The following AKT3 variants were observed in gnomAD, a reference collection of about 807,000 sequenced individuals.
AKT3 encodes RAC-gamma serine/threonine-protein kinase.
A neutral mutation model predicts 65.3 loss-of-function variants in AKT3; 15 were observed. The ratio of observed to expected loss-of-function variants is 0.23; its 90% CI spans 0.15 to 0.35. The LOEUF (loss-of-function observed/expected upper bound fraction) is 0.35. AKT3 is among the 10% of genes least tolerant of loss of function. The pLI is 1.00. For missense variants in AKT3, 243 were observed against 576.5 expected, an observed-to-expected ratio of 0.42 and a Z score of 5.92; for synonymous variants, 206 against 183.8, an observed-to-expected ratio of 1.12 and a Z score of -0.98.
chr1:243,766,713 A>G (rs572030839), intron 2 of AKT3, among the ~76,000 whole-genome samples: 1 of 152,338 alleles, frequency 6.6e-6, no homozygotes, highest in Non-Finnish European at 1.5e-5. Context: ...CATTTAGGCA[A>G]CTAGAGTAGT....
chr1:243,637,979 G>A (rs914397581), intron 5 of AKT3, among the ~76,000 whole-genome samples: 1 of 151,970 alleles, frequency 6.6e-6, no homozygotes, highest in Non-Finnish European at 1.5e-5. Context: ...GAATTCCTCA[G>A]CGAAATTATC....
At chr1:243,777,244 T>C (rs1383167245) in intron 2 of AKT3, among the ~76,000 whole-genome samples, 1 of 152,156 alleles carries the variant, frequency 6.6e-6, no homozygotes, top group Non-Finnish European at 1.5e-5. Context: ...GCAACCTAGA[T>C]CTGTCACGTG....
chr1:243,598,971 C>A (rs999487672), intron 8 of AKT3, among the ~76,000 whole-genome samples: 28 of 152,170 alleles, frequency 1.8e-4, no homozygotes, highest in Admixed American at 4.6e-4. Context: ...AGTTCAAATG[C>A]ACCTTTCCTC....
intron 9 of AKT3, among the ~76,000 whole-genome samples, chr1:243,565,450 G>C (rs1486473): frequency 0.99 from 151,232 of 152,288 alleles, 75,104 homozygotes; most frequent in Middle Eastern, 1. Context: ...GTCTTGACCT[G>C]CTGGGTTCAA....
intron 3 of AKT3, among the ~76,000 whole-genome samples, chr1:243,673,932 T>G (rs1683327554): frequency 8.5e-5 from 13 of 152,142 alleles, no homozygotes; most frequent in Admixed American, 8.5e-4. Context: ...GAAAAGCTAT[T>G]TATATTTGAA....
At chr1:243,825,679 T>C (rs1694123899) in intron 2 of AKT3, among the ~76,000 whole-genome samples, 1 of 152,190 alleles carries the variant, frequency 6.6e-6, no homozygotes, top group South Asian at 2.1e-4. Context: ...AAAACCCTTA[T>C]ATAATTGACT....
chr1:243,524,502 G>A (rs187406894), intron 12 of AKT3, among the ~76,000 whole-genome samples: 274 of 152,312 alleles, frequency 1.8e-3, no homozygotes, highest in Middle Eastern at 3.4e-3. Flanking sequence ...TGAGAATTGG[G>A]ACAAAAGAGA....
At chr1:243,749,957 G>A (rs745422803) in intron 2 of AKT3, among the ~76,000 whole-genome samples, 2 of 152,054 alleles carry the variant, frequency 1.3e-5, no homozygotes, top group Non-Finnish European at 2.9e-5. Context: ...GCTCTTGCTT[G>A]GCATCTAAAG....
At chr1:243,585,335 A>G (rs892757432) in intron 8 of AKT3, among the ~76,000 whole-genome samples, 1 of 152,154 alleles carries the variant, frequency 6.6e-6, no homozygotes, top group Non-Finnish European at 1.5e-5. Flanking sequence ...TACAGATTCA[A>G]GGCTATACCT....
chr1:243,553,244 T>C (rs1479082911), intron 10 of AKT3, among the ~76,000 whole-genome samples: 2 of 152,100 alleles, frequency 1.3e-5, no homozygotes, highest in Non-Finnish European at 2.9e-5. Flanking sequence ...TTAGCTAGCA[T>C]ATTTACATAT....
chr1:243,743,884 C>T (rs1382507358), intron 2 of AKT3, among the ~76,000 whole-genome samples: 3 of 152,102 alleles, frequency 2.0e-5, no homozygotes, highest in Non-Finnish European at 4.4e-5. Context: ...AGATATAGAA[C>T]AAATGAAACT....
chr1:243,603,894 C>CTT lies in AKT3; in HGVS notation c.696+9775_696+9776dup, dbSNP rs566682027. On this transcript the variant is annotated intron_variant, in intron 8 of 13. Coordinates refer to ENST00000673466, the MANE Select transcript of AKT3 (RefSeq NM_005465.7). ...TTCTAACACTGCTTCAATTAATAAT[C>CTT]TTTTTTTTTTTTTTTTTTGAGATGG... Among the ~76,000 whole-genome samples, 929 of 129,922 alleles carry CTT rather than the reference C, an allele frequency of 7.2e-3. 9 individuals are homozygous for CTT. Among genetic ancestry groups the CTT allele is most frequent in the African/African-American group, 0.015 (515 of 34,034 alleles). The allele number at this position is 129,922 out of a possible 152,430, so 85.2% of individuals were successfully genotyped here. A position where few individuals can be genotyped will look rare whatever the true frequency, so the allele number is the denominator to read the frequency against.
At chr1:243,659,317 G>A (rs926947003) in intron 4 of AKT3, among the ~76,000 whole-genome samples, 3 of 152,184 alleles carry the variant, frequency 2.0e-5, no homozygotes, top group Admixed American at 2.0e-4. Flanking sequence ...AGTCATGCCA[G>A]ATGAAAACGT....
At chr1:243,830,690 G>A (rs1177904523) in intron 2 of AKT3, among the ~76,000 whole-genome samples, 1 of 152,168 alleles carries the variant, frequency 6.6e-6, no homozygotes, top group East Asian at 1.9e-4. Context: ...TATAGGCTTA[G>A]AAAGTTAGGT....
intron 8 of AKT3, among the ~76,000 whole-genome samples, chr1:243,586,675 T>C (rs1455027610): frequency 6.6e-6 from 1 of 152,072 alleles, no homozygotes; most frequent in Non-Finnish European, 1.5e-5. Context: ...AGCTAATCAA[T>C]TGGTACTCAT....
intron 2 of AKT3, among the ~76,000 whole-genome samples, chr1:243,735,349 A>G (rs968088124): frequency 1.3e-5 from 2 of 152,184 alleles, no homozygotes; most frequent in Non-Finnish European, 2.9e-5. Flanking sequence ...AGGCAATAAG[A>G]ATTTTTTAGT....
At chr1:243,684,482 T>C (rs1456455499) in intron 3 of AKT3, among the ~76,000 whole-genome samples, 2 of 152,170 alleles carry the variant, frequency 1.3e-5, no homozygotes, top group African/African-American at 4.8e-5. Context: ...GCAAAGGACA[T>C]GAACTCATCC....
chr1:243,684,467 T>C (rs1409570553), intron 3 of AKT3, among the ~76,000 whole-genome samples: 1 of 152,154 alleles, frequency 6.6e-6, no homozygotes, highest in Non-Finnish European at 1.5e-5. Context: ...TTCATCCATG[T>C]CCCTGCAAAG....
intron 2 of AKT3, among the ~76,000 whole-genome samples, chr1:243,707,314 G>A (rs1453928645): frequency 2.0e-5 from 3 of 152,090 alleles, no homozygotes; most frequent in East Asian, 1.9e-4. Context: ...GATTTTTTGT[G>A]GATAAAATTT....
Sources: allele counts gnomAD v4.1 joint callset (sites outside exome capture counted in the v4.1 genomes callset), GRCh38; gene constraint gnomAD v4.1.1; transcripts MANE v1.5; gene names NCBI Gene and HGNC (gene_info 2026-07-23, HGNC 2026-07-21).